NIBAN1: variants seen among roughly 807,000 people sequenced by gnomAD.
NIBAN1 encodes the protein niban apoptosis regulator 1.
In NIBAN1, 81 loss-of-function variants were observed where a neutral mutation model predicts 75.1. The ratio of observed to expected loss-of-function variants is 1.08; its 90% CI spans 0.90 to 1.30. The LOEUF is 1.30. NIBAN1 is among the 50% of genes most tolerant of loss of function. NIBAN1 has a pLI of 0.00. For synonymous variants in NIBAN1, 436 were observed against 424.8 expected (o/e 1.03, Z -0.32); for missense variants, 1,133 against 1,128.1 (o/e 1.00, Z -0.06).
At chr1:184,799,099 A>T (rs1003404675) in intron 12 of NIBAN1, among the ~76,000 whole-genome samples, 3 of 151,990 alleles carry the variant, frequency 2.0e-5, no homozygotes, top group Admixed American at 6.6e-5. Flanking sequence ...TGTGCAGGTT[A>T]GTTACATATG....
intron 6 of NIBAN1, among the ~76,000 whole-genome samples, chr1:184,830,967 T>C (rs2102235706): frequency 1.4e-5 from 2 of 147,782 alleles, no homozygotes; most frequent in South Asian, 4.3e-4. Context: ...GCCACTGTAC[T>C]CCAGCCTGGG....
At chr1:184,915,789 CAT>C (rs1232247557) in intron 1 of NIBAN1, among the ~76,000 whole-genome samples, 1 of 152,122 alleles carries the variant, frequency 6.6e-6, no homozygotes, top group Admixed American at 6.5e-5. Flanking sequence ...GACAGAGAGA[CAT>C]AGGTTGAAAG....
intron 5 of NIBAN1, among the ~76,000 whole-genome samples, chr1:184,845,094 A>G (rs1655400123): frequency 6.6e-6 from 1 of 152,204 alleles, no homozygotes; most frequent in African/African-American, 2.4e-5. Flanking sequence ...ATGTGTACCA[A>G]TTTTGAATAA....
At chr1:184,882,874 G>A (rs1269890497) in intron 5 of NIBAN1, among the ~76,000 whole-genome samples, 1 of 152,142 alleles carries the variant, frequency 6.6e-6, no homozygotes, top group Non-Finnish European at 1.5e-5. Flanking sequence ...TCAGTGCTGG[G>A]CAATTTTTTG....
chr1:184,860,535 T>A (rs1655789994), intron 5 of NIBAN1, among the ~76,000 whole-genome samples: 1 of 152,206 alleles, frequency 6.6e-6, no homozygotes, highest in Non-Finnish European at 1.5e-5. Flanking sequence ...ATGAAAATAT[T>A]TTGTATCTTA....
chr1:184,895,698 C>A (rs1395828643), intron 2 of NIBAN1, among the ~76,000 whole-genome samples: 2 of 152,096 alleles, frequency 1.3e-5, no homozygotes, highest in East Asian at 1.9e-4. Context: ...ATTTTTCAAC[C>A]CTTACTCCCC....
At chr1:184,858,062 G>A (rs1002294466) in intron 5 of NIBAN1, among the ~76,000 whole-genome samples, 1 of 151,988 alleles carries the variant, frequency 6.6e-6, no homozygotes, top group African/African-American at 2.4e-5. Flanking sequence ...ATATTTGACT[G>A]CATAAAAATA....
intron 9 of NIBAN1, 141 bp from the exon 10 acceptor site, chr1:184,808,376 A>G: frequency 1.2e-6 from 1 of 815,376 alleles, no homozygotes; most frequent in Non-Finnish European, 1.9e-6. Flanking sequence ...CATCTGTGAC[A>G]CCTTCAACTG....
At chr1:184,819,158 C>T (rs1654623419) in intron 8 of NIBAN1, among the ~76,000 whole-genome samples, 2 of 152,154 alleles carry the variant, frequency 1.3e-5, no homozygotes, top group Non-Finnish European at 2.9e-5. Context: ...CTGTCAATCA[C>T]TATCATTAAA....
At position 184,823,631 on chromosome 1, in the gene NIBAN1, T is replaced by A; in HGVS notation, c.822+7A>T. 6.2e-7 allele frequency: 1 copy of A among 1,613,914 alleles called. No individual in the cohort carries two copies. The highest frequency in any genetic ancestry group is 8.5e-7 in the Non-Finnish European group (1 of 1,179,802). ...TAGCTCAGTTGTAGAGCAAAACCAT[T>A]GCTTACACCAAGCCACGTCCTCTTT... On this transcript the variant is annotated splice_region_variant and intron_variant, in intron 7 of 13. Transcript: ENST00000367511.
chr1:184,804,782 T>G (rs1175406167), intron 11 of NIBAN1, among the ~76,000 whole-genome samples: 6 of 151,904 alleles, frequency 3.9e-5, no homozygotes, highest in African/African-American at 1.5e-4. Context: ...GTTTTTTTTT[T>G]TGTTTTTTTG....
chr1:184,912,323 T>C (rs948912992), intron 1 of NIBAN1, among the ~76,000 whole-genome samples: 7 of 152,196 alleles, frequency 4.6e-5, no homozygotes, highest in African/African-American at 1.4e-4. Flanking sequence ...TGAACATTGG[T>C]GCACGAATCT....
At chr1:184,867,874 G>T (rs1655998955) in intron 5 of NIBAN1, 1 of 985,286 alleles carries the variant, frequency 1.0e-6, no homozygotes, top group South Asian at 4.7e-5. Context: ...CTTAATAGAG[G>T]CTCTTTTGTT....
chr1:184,888,437 C>T (rs1438212326), intron 4 of NIBAN1, among the ~76,000 whole-genome samples: 2 of 152,234 alleles, frequency 1.3e-5, no homozygotes, highest in South Asian at 2.1e-4. Flanking sequence ...AAAGCCTCAA[C>T]AAACCCATAA....
Position 184,808,353 on chromosome 1 carries a change from A to G in NIBAN1, c.1174-118T>C, listed in dbSNP as rs1406844297. The stretch of plus-strand genomic sequence containing the variant: ...ATGCAAGTTGTTAAAGTGAATCACT[A>G]CTTGGATCCCTACATCTGTGACACC... On this transcript the variant is annotated intron_variant, in intron 9 of 13. Transcript: ENST00000367511. 5.9e-6 allele frequency: 6 copies of G among 1,022,978 alleles called. No homozygotes were observed. In the Admixed American group the frequency reaches 9.8e-5, roughly 17 times the overall value. 63.4% of individuals were successfully genotyped at this position (1,022,978 alleles called of 1,614,324 possible).
intron 5 of NIBAN1, among the ~76,000 whole-genome samples, chr1:184,832,804 G>A (rs986440976): frequency 1.3e-5 from 2 of 152,180 alleles, no homozygotes; most frequent in Non-Finnish European, 2.9e-5. Context: ...GGTGTATAGA[G>A]GGAGCTGGGC....
rs1387666643 is a variant in NIBAN1 at position 184,948,211 on chromosome 1, TAGAA to T, written c.55+26087_55+26090del. ...GAGTTTCTTAGATATATATGGTACT[TAGAA>T]AGAGCTAATTCCAGCACATTTCTAT... is the stretch of plus-strand genomic sequence containing the variant. On this transcript the variant is annotated intron_variant, in intron 1 of 13. Coordinates refer to ENST00000367511, the MANE Select transcript of NIBAN1 (RefSeq NM_052966.4). 5.9e-5 allele frequency among the ~76,000 whole-genome samples: 9 copies of T among 152,234 alleles called. No homozygotes were observed. The East Asian group carries it at 7.7e-4, about 13-fold the overall frequency.
At chr1:184,911,155 A>C (rs577002471) in intron 1 of NIBAN1, among the ~76,000 whole-genome samples, 10 of 152,314 alleles carry the variant, frequency 6.6e-5, no homozygotes, top group African/African-American at 2.4e-4. Context: ...ATCAACTAAA[A>C]TACATTATTG....
At chr1:184,823,565 A>G in intron 7 of NIBAN1, 73 bp downstream of exon 7, 1 of 1,512,170 alleles carries the variant, frequency 6.6e-7, no homozygotes, top group Non-Finnish European at 9.2e-7. Flanking sequence ...ACAACAACAA[A>G]TGCCCTAAAA....
Sources: gnomAD v4.1 joint callset for allele counts (sites outside exome capture counted in the v4.1 genomes callset) on GRCh38, gnomAD v4.1.1 for gene constraint, MANE v1.5 for transcripts, NCBI Gene and HGNC (gene_info 2026-07-23, HGNC 2026-07-21) for gene names.